DPH6: variants seen among roughly 807,000 people sequenced by gnomAD.
DPH6 encodes the protein diphthamine biosynthesis 6, also known as diphthine--ammonia ligase.
A neutral mutation model predicts 38.2 loss-of-function variants in DPH6; 33 were observed. The observed-to-expected ratio is 0.86, with a 90% CI of 0.65 to 1.15. The LOEUF is 1.15. Among genes scored for constraint, DPH6 ranks in the 50% most tolerant of loss-of-function variants. DPH6 has a pLI of 0.00. For synonymous variants in DPH6, 108 were observed against 103.0 expected (o/e 1.05, Z -0.30); for missense variants, 325 against 320.0 (o/e 1.02, Z -0.12).
chr15:35,354,546 T>C (rs1404970774), intron 3 of DPH6, among the ~76,000 whole-genome samples: 1 of 152,168 alleles, frequency 6.6e-6, no homozygotes, highest in East Asian at 1.9e-4. Context: ...AATCATGTGG[T>C]TTTTGTCTTT....
chr15:35,507,886 T>C (rs1334859821), intron 3 of DPH6, among the ~76,000 whole-genome samples: 1 of 152,052 alleles, frequency 6.6e-6, no homozygotes, highest in Non-Finnish European at 1.5e-5. Context: ...AACCCATATA[T>C]ATACACCTAT....
chr15:35,269,919 T>C (rs1002756404), intron 3 of DPH6, among the ~76,000 whole-genome samples: 4 of 150,810 alleles, frequency 2.7e-5, no homozygotes, highest in African/African-American at 7.3e-5. Context: ...GCCTCCCGAG[T>C]AGCTGGGACT....
intron 3 of DPH6, among the ~76,000 whole-genome samples, chr15:35,360,937 G>A (rs777870757): frequency 6.6e-6 from 1 of 152,176 alleles, no homozygotes; most frequent in Non-Finnish European, 1.5e-5. Flanking sequence ...CCTTGGGTAG[G>A]CAGGACTTCT....
At chr15:35,161,327 C>T in the DPH6 span, among the ~76,000 whole-genome samples, 2 of 151,862 alleles carry the variant, frequency 1.3e-5, no homozygotes, top group Non-Finnish European at 2.9e-5. Flanking sequence ...GTGTTCACAT[C>T]CCTTTTGTGG....
intron 3 of DPH6, among the ~76,000 whole-genome samples, chr15:35,322,872 G>T (rs1566869516): frequency 6.6e-6 from 1 of 151,862 alleles, no homozygotes; most frequent in Non-Finnish European, 1.5e-5. Flanking sequence ...TCATCAGCTT[G>T]TTCTTATATT....
chr15:35,279,068 A>AATATATATATATATATATAT (rs1555390827), intron 3 of DPH6, among the ~76,000 whole-genome samples: 1 of 102,988 alleles, frequency 9.7e-6, no homozygotes, highest in African/African-American at 4.8e-5. Flanking sequence ...AAAAAAAAAA[A>AATATATATATATATATATAT]ATATATATAT....
chr15:35,336,827 G>A (rs1265729199), intron 3 of DPH6, among the ~76,000 whole-genome samples: 2 of 152,062 alleles, frequency 1.3e-5, no homozygotes, highest in Non-Finnish European at 2.9e-5. Context: ...GCTTTTTGAT[G>A]TGCTGCTGGA....
chr15:35,446,216 T>TA (rs56710301), intron 5 of DPH6, among the ~76,000 whole-genome samples: 126,026 of 141,956 alleles, frequency 0.89, 55,725 homozygotes, highest in East Asian at 1. Flanking sequence ...TATTTTCCCT[T>TA]TTTTTTTTTT....
intron 1 of DPH6, 118 bp downstream of exon 1, chr15:35,546,001 C>G: frequency 1.0e-6 from 1 of 957,036 alleles, no homozygotes; most frequent in Non-Finnish European, 1.4e-6. Context: ...CTCGGAGGAG[C>G]CGCGGAACCC....
intron 3 of DPH6, among the ~76,000 whole-genome samples, chr15:35,310,252 C>T (rs1197476478): frequency 6.6e-6 from 1 of 152,150 alleles, no homozygotes; most frequent in Non-Finnish European, 1.5e-5. Context: ...ACTAGGCATT[C>T]CCCATGCTGT....
At chr15:35,196,270 C>A in the DPH6 span, among the ~76,000 whole-genome samples, 5 of 152,192 alleles carry the variant, frequency 3.3e-5, no homozygotes, top group East Asian at 9.6e-4. Context: ...AGAAAATCTG[C>A]CACTTTTAGT....
At chr15:35,331,651 G>A (rs1230997919) in intron 3 of DPH6, among the ~76,000 whole-genome samples, 1 of 152,218 alleles carries the variant, frequency 6.6e-6, no homozygotes, top group Non-Finnish European at 1.5e-5. Context: ...GAATGAGACA[G>A]GGAAGGAAAA....
chr15:35,460,495 C>T (rs561236135), intron 3 of DPH6, among the ~76,000 whole-genome samples: 2 of 152,272 alleles, frequency 1.3e-5, no homozygotes, highest in East Asian at 3.9e-4. Flanking sequence ...GACTATTCTG[C>T]TTAGGCCATT....
intron 6 of DPH6, among the ~76,000 whole-genome samples, chr15:35,393,250 G>GTA (rs1243095450): frequency 6.6e-6 from 1 of 152,148 alleles, no homozygotes; most frequent in Non-Finnish European, 1.5e-5. Flanking sequence ...AGAGGAGAGA[G>GTA]TAGATATTTT....
chr15:35,338,036 T>C (rs1202633728), intron 3 of DPH6, among the ~76,000 whole-genome samples: 2 of 151,946 alleles, frequency 1.3e-5, no homozygotes, highest in Non-Finnish European at 2.9e-5. Context: ...TAATTCAAGA[T>C]GGATTAAAGA....
intron 4 of DPH6, among the ~76,000 whole-genome samples, chr15:35,452,009 C>CA (rs2053941446): frequency 6.6e-6 from 1 of 152,002 alleles, no homozygotes; most frequent in African/African-American, 2.4e-5. Context: ...GACTCTGTCT[C>CA]AAAAAACAAA....
chr15:35,508,547 A>G (rs893109590), intron 3 of DPH6, among the ~76,000 whole-genome samples: 1 of 152,176 alleles, frequency 6.6e-6, no homozygotes, highest in African/African-American at 2.4e-5. Context: ...CACTGGGCTT[A>G]AAGTTTTTTT....
At chr15:35,148,656 A>G in the DPH6 span, among the ~76,000 whole-genome samples, 2 of 152,168 alleles carry the variant, frequency 1.3e-5, no homozygotes, top group South Asian at 4.1e-4. Flanking sequence ...AATTATTTCC[A>G]TAGACCCGGA....
chr15:35,281,367 G>A (rs142345776), intron 3 of DPH6, among the ~76,000 whole-genome samples: 1 of 152,054 alleles, frequency 6.6e-6, no homozygotes, highest in South Asian at 2.1e-4. Context: ...AAAGACCCAA[G>A]AGAAACACTG....
Sources: gnomAD v4.1 joint callset for allele counts (sites outside exome capture counted in the v4.1 genomes callset) on GRCh38, gnomAD v4.1.1 for gene constraint, MANE v1.5 for transcripts, NCBI Gene and HGNC (gene_info 2026-07-23, HGNC 2026-07-21) for gene names.